WWOX: variants seen among roughly 807,000 people sequenced by gnomAD.
The protein encoded by WWOX is WW domain containing oxidoreductase.
In WWOX, 69 loss-of-function variants were observed where a neutral mutation model predicts 46.2. That is an observed-to-expected ratio of 1.49 (90% CI 1.23 to 1.82). The LOEUF is 1.82. Among genes scored for constraint, WWOX ranks in the 40% most tolerant of loss-of-function variants. The pLI, the probability that WWOX is intolerant of heterozygous loss-of-function variation, is 0.00. For missense variants in WWOX, 919 were observed against 542.6 expected, an observed-to-expected ratio of 1.69 and a Z score of -6.89; for synonymous variants, 359 against 202.6, an observed-to-expected ratio of 1.77 and a Z score of -6.56.
At chr16:78,721,812 T>G (rs982197304) in intron 8 of WWOX, among the ~76,000 whole-genome samples, 2 of 152,196 alleles carry the variant, frequency 1.3e-5, no homozygotes, top group Non-Finnish European at 2.9e-5. Flanking sequence ...CTTCCTTTCC[T>G]ACGAATAAAG....
At chr16:79,101,788 C>G (rs552016222) in intron 8 of WWOX, 2 of 150,026 alleles carry the variant, frequency 1.3e-5, no homozygotes, top group South Asian at 2.1e-4. Context: ...TTCACATCTA[C>G]TTTCCAGATA....
At chr16:78,388,542 G>A (rs1237351916) in intron 6 of WWOX, among the ~76,000 whole-genome samples, 4 of 149,390 alleles carry the variant, frequency 2.7e-5, no homozygotes, top group African/African-American at 7.4e-5. Flanking sequence ...AGCTACTTGG[G>A]AGGCTGAGGC....
At chr16:78,809,041 C>G (rs143333282) in intron 8 of WWOX, among the ~76,000 whole-genome samples, 2 of 151,964 alleles carry the variant, frequency 1.3e-5, no homozygotes, top group Non-Finnish European at 2.9e-5. Context: ...GGCTTCATAC[C>G]AACTGCAGCT....
At chr16:78,738,817 T>A (rs573353200) in intron 8 of WWOX, among the ~76,000 whole-genome samples, 1 of 152,206 alleles carries the variant, frequency 6.6e-6, no homozygotes, top group African/African-American at 2.4e-5. Context: ...CACAGTCTCC[T>A]AGTCCTAATA....
At chr16:78,314,250 C>CA (rs1057159734) in intron 5 of WWOX, among the ~76,000 whole-genome samples, 8 of 151,000 alleles carry the variant, frequency 5.3e-5, no homozygotes, top group South Asian at 2.1e-4. Flanking sequence ...ACTAAAAATA[C>CA]AAAAAAAATT....
At chr16:78,182,711 G>A (rs1001834402) in intron 5 of WWOX, among the ~76,000 whole-genome samples, 2 of 151,960 alleles carry the variant, frequency 1.3e-5, no homozygotes, top group African/African-American at 4.8e-5. Context: ...CCAGCACTTT[G>A]GGAGGCCGAG....
chr16:78,329,159 C>G (rs1466841544), intron 5 of WWOX, among the ~76,000 whole-genome samples: 2 of 152,260 alleles, frequency 1.3e-5, no homozygotes, highest in South Asian at 2.1e-4. Context: ...CCGCACCCAG[C>G]CTGCTGATAT....
intron 5 of WWOX, among the ~76,000 whole-genome samples, chr16:78,240,054 C>A (rs1369215483): frequency 6.6e-6 from 1 of 152,048 alleles, no homozygotes; most frequent in Non-Finnish European, 1.5e-5. Flanking sequence ...AAATCCACAC[C>A]CACACAGAAT....
chr16:78,772,575 A>C (rs569301389), intron 8 of WWOX, among the ~76,000 whole-genome samples: 1 of 152,344 alleles, frequency 6.6e-6, no homozygotes, highest in South Asian at 2.1e-4. Context: ...GTAGGTAACA[A>C]ATACTTTGGA....
At chr16:78,736,181 C>T (rs1049995959) in intron 8 of WWOX, among the ~76,000 whole-genome samples, 3 of 152,186 alleles carry the variant, frequency 2.0e-5, no homozygotes, top group Non-Finnish European at 4.4e-5. Context: ...AGTCTGGCTT[C>T]AGGTTTATCC....
intron 8 of WWOX, among the ~76,000 whole-genome samples, chr16:78,829,132 A>ATG (rs762761908): frequency 2.7e-5 from 4 of 150,596 alleles, no homozygotes; most frequent in Admixed American, 1.3e-4. Context: ...GGATGGATGG[A>ATG]GAGAGAGAGA....
At chr16:79,109,436 T>C (rs544934356) in intron 8 of WWOX, among the ~76,000 whole-genome samples, 2 of 152,274 alleles carry the variant, frequency 1.3e-5, no homozygotes, top group South Asian at 2.1e-4. Flanking sequence ...TCTTTTTTAC[T>C]TTAGGGCATA....
At chr16:78,703,626 T>G (rs376285746) in intron 8 of WWOX, among the ~76,000 whole-genome samples, 99 of 145,478 alleles carry the variant, frequency 6.8e-4, no homozygotes, top group African/African-American at 2.6e-3. Context: ...TTTGTTTTTG[T>G]TTTTTTTTGT....
rs1472977895 is a variant in WWOX at position 78,350,365 on chromosome 16, C to T, written c.517-36495C>T. On this transcript the variant is annotated intron_variant, in intron 5 of 8. Coordinates refer to ENST00000566780, the MANE Select transcript of WWOX (RefSeq NM_016373.4). ...CTTTCAGTATATTCAGAGAGTTTTG[C>T]AGCTGTCACCACAGTCAAGTTTAGA... Among the ~76,000 whole-genome samples the T allele has an allele frequency of 9.9e-5, 12 of 121,460 alleles. 4 individuals carry two copies. The highest frequency in any genetic ancestry group is 9.8e-5 in the Non-Finnish European group (5 of 50,802). The allele number at this position is 121,460 out of a possible 152,430, so 79.7% of individuals were successfully genotyped here. A position where few individuals can be genotyped will look rare whatever the true frequency, so the allele number is the denominator to read the frequency against.
intron 5 of WWOX, among the ~76,000 whole-genome samples, chr16:78,191,954 A>T (rs2035896010): frequency 6.6e-6 from 1 of 152,200 alleles, no homozygotes; most frequent in African/African-American, 2.4e-5. Flanking sequence ...CTAAAATTGG[A>T]TGAGGCACTA....
intron 8 of WWOX, among the ~76,000 whole-genome samples, chr16:78,458,225 C>G (rs1413243937): frequency 6.7e-6 from 1 of 150,284 alleles, no homozygotes; most frequent in African/African-American, 2.4e-5. Flanking sequence ...CACTTCTATT[C>G]CCTGCCAATT....
chr16:78,937,333 G>A (rs942588133), intron 8 of WWOX, among the ~76,000 whole-genome samples: 1 of 151,738 alleles, frequency 6.6e-6, no homozygotes, highest in Non-Finnish European at 1.5e-5. Context: ...TTTGATACAG[G>A]TGTCAGATTA....
At chr16:78,636,183 A>T (rs796679308) in intron 8 of WWOX, among the ~76,000 whole-genome samples, 11 of 152,258 alleles carry the variant, frequency 7.2e-5, no homozygotes, top group African/African-American at 2.6e-4. Context: ...CCAGGTTATT[A>T]TTGATAAGGA....
intron 8 of WWOX, among the ~76,000 whole-genome samples, chr16:78,588,609 G>A (rs1470955556): frequency 6.6e-6 from 1 of 152,182 alleles, no homozygotes; most frequent in Non-Finnish European, 1.5e-5. Flanking sequence ...TGAGGATACT[G>A]AGGCTCAGAG....
Sources: allele counts gnomAD v4.1 joint callset (sites outside exome capture counted in the v4.1 genomes callset), GRCh38; gene constraint gnomAD v4.1.1; transcripts MANE v1.5; gene names NCBI Gene and HGNC (gene_info 2026-07-23, HGNC 2026-07-21).